VIPR2: variants seen among roughly 807,000 people sequenced by gnomAD.
VIPR2 encodes vasoactive intestinal peptide receptor 2.
A neutral mutation model predicts 58.0 loss-of-function variants in VIPR2; 48 were observed. The observed-to-expected ratio is 0.83, with a 90% CI of 0.66 to 1.05. VIPR2 has a LOEUF of 1.05. Among genes scored for constraint, VIPR2 ranks in the 50% least tolerant of loss-of-function variants. VIPR2 has a pLI of 0.00. For missense variants in VIPR2, 534 were observed against 558.0 expected (o/e 0.96, Z 0.43); for synonymous variants, 243 against 235.2 (o/e 1.03, Z -0.30).
intron 2 of VIPR2, among the ~76,000 whole-genome samples, chr7:159,135,232 A>T (rs1265780848): frequency 1.3e-5 from 2 of 151,162 alleles, no homozygotes; most frequent in African/African-American, 4.9e-5. Context: ...GGAGTTCAAG[A>T]CCAGCCTGGC....
chr7:159,060,514 T>C (rs540119612), intron 4 of VIPR2, among the ~76,000 whole-genome samples: 42 of 150,942 alleles, frequency 2.8e-4, no homozygotes, highest in African/African-American at 1.0e-3. Flanking sequence ...CCATAACTCT[T>C]ACCTCACCTA....
At chr7:159,123,652 T>C (rs1004784809) in intron 2 of VIPR2, among the ~76,000 whole-genome samples, 8 of 152,228 alleles carry the variant, frequency 5.3e-5, no homozygotes, top group Non-Finnish European at 1.2e-4. Flanking sequence ...ATGATTTATA[T>C]TCCTCTTGGT....
At chr7:159,143,333 G>A (rs1203906461) in intron 1 of VIPR2, among the ~76,000 whole-genome samples, 1 of 152,190 alleles carries the variant, frequency 6.6e-6, no homozygotes, top group Admixed American at 6.5e-5. Context: ...GCTTAAGGAG[G>A]GCTCCCCCCA....
At chr7:159,062,109 C>G (rs1433072219) in intron 4 of VIPR2, among the ~76,000 whole-genome samples, 1 of 152,182 alleles carries the variant, frequency 6.6e-6, no homozygotes, top group Non-Finnish European at 1.5e-5. Context: ...GTGAAGCAGA[C>G]GAGAACTGGC....
intron 2 of VIPR2, among the ~76,000 whole-genome samples, chr7:159,120,232 T>G (rs1796405977): frequency 6.6e-6 from 1 of 152,226 alleles, no homozygotes; most frequent in African/African-American, 2.4e-5. Context: ...TCACTGTATT[T>G]GTCATTCTCC....
At chr7:159,135,785 T>C (rs1276578771) in intron 2 of VIPR2, among the ~76,000 whole-genome samples, 1 of 152,184 alleles carries the variant, frequency 6.6e-6, no homozygotes, top group Non-Finnish European at 1.5e-5. Context: ...ATCATGCTAT[T>C]GCACTCCAGC....
intron 2 of VIPR2, among the ~76,000 whole-genome samples, chr7:159,134,947 G>A (rs952572115): frequency 2.0e-5 from 3 of 147,946 alleles, no homozygotes; most frequent in Admixed American, 1.4e-4. Flanking sequence ...ATGAGTCACC[G>A]CGCCTGGCCA....
chr7:159,035,035 G>A (rs574703142), intron 8 of VIPR2, among the ~76,000 whole-genome samples: 1 of 152,296 alleles, frequency 6.6e-6, no homozygotes, highest in Non-Finnish European at 1.5e-5. Context: ...TATGGCAAAG[G>A]GTTTAAAACG....
intron 4 of VIPR2, among the ~76,000 whole-genome samples, chr7:159,071,113 T>C (rs1257934530): frequency 6.6e-6 from 1 of 151,934 alleles, no homozygotes; most frequent in Non-Finnish European, 1.5e-5. Flanking sequence ...ACTTCCAGGG[T>C]TTTTCTGGGT....
intron 2 of VIPR2, among the ~76,000 whole-genome samples, chr7:159,135,713 C>T (rs1446926947): frequency 6.6e-6 from 1 of 152,114 alleles, no homozygotes; most frequent in East Asian, 1.9e-4. Context: ...ATCCCAGCTA[C>T]TCAGGAGGCT....
At chr7:159,032,165 G>A in intron 10 of VIPR2, 98 bp from the exon 11 acceptor site, 1 of 1,506,740 alleles carries the variant, frequency 6.6e-7, no homozygotes, top group Non-Finnish European at 9.0e-7. Flanking sequence ...GGGTGTGGGA[G>A]GGGCTCCACA....
At chr7:159,051,817 T>C (rs974457532) in intron 5 of VIPR2, among the ~76,000 whole-genome samples, 1 of 152,152 alleles carries the variant, frequency 6.6e-6, no homozygotes, top group Non-Finnish European at 1.5e-5. Context: ...CCTAATGACA[T>C]AGCCTTAAAA....
At chr7:159,061,328 CT>C (rs1259588549) in intron 4 of VIPR2, among the ~76,000 whole-genome samples, 2 of 135,826 alleles carry the variant, frequency 1.5e-5, no homozygotes, top group African/African-American at 2.8e-5. Context: ...CATGTGCCCC[CT>C]GAGTCTAAAA....
intron 1 of VIPR2, 114 bp from the exon 2 acceptor site, chr7:159,142,659 C>T (rs1341253628): frequency 1.7e-5 from 11 of 660,090 alleles, no homozygotes; most frequent in Non-Finnish European, 2.8e-5. Flanking sequence ...TGCTTCCAAA[C>T]CAAAATGCAT....
In VIPR2 at chr7:159,028,286, TG is replaced by T; in HGVS notation, c.*2329del. 1 of 154,886 alleles carries T rather than the reference TG, an allele frequency of 6.5e-6. No individual in the cohort carries two copies. The highest frequency in any genetic ancestry group is 1.4e-5 in the Non-Finnish European group (1 of 69,562). 9.6% of individuals were successfully genotyped at this position (154,886 alleles called of 1,614,324 possible). ...ACAGTTAAAGACACCTGCTGACCACTGGGTCCTGCTTCCCCTGCTCACCAGG... is the reference window on the plus strand; with the variant it reads ...ACAGTTAAAGACACCTGCTGACCACTGGTCCTGCTTCCCCTGCTCACCAGG... On this transcript the variant is annotated 3_prime_UTR_variant, in exon 13 of 13. Coordinates refer to ENST00000262178, the MANE Select transcript of VIPR2 (RefSeq NM_003382.5).
At position 159,031,515 on chromosome 7, in the gene VIPR2, C is replaced by T. The variant is rs541910426; in HGVS notation, c.1143+313G>A. ...TCACAAGCTATGGTCAGGAGCGAGA[C>T]GCCGACCATGGGGAAAAACAGATTC... On this transcript the variant is annotated intron_variant, in intron 12 of 12. Transcript: ENST00000262178. The surrounding 1 kb of genome is among the most constrained non-coding windows in gnomAD (Gnocchi z 4.0). 13 of 985,230 alleles carry T rather than the reference C, an allele frequency of 1.3e-5. No homozygotes were observed. Among genetic ancestry groups the T allele is most frequent in the Non-Finnish European group, 1.6e-5 (13 of 829,894 alleles). The allele number at this position is 985,230 out of a possible 1,614,324, so 61.0% of individuals were successfully genotyped here.
At chr7:159,062,598 A>C (rs1855760251) in intron 4 of VIPR2, among the ~76,000 whole-genome samples, 1 of 152,076 alleles carries the variant, frequency 6.6e-6, no homozygotes, top group Non-Finnish European at 1.5e-5. Flanking sequence ...TGGTCTTAGG[A>C]GTGAAGCCGC....
At chr7:159,112,604 C>T (rs1380796021) in intron 2 of VIPR2, among the ~76,000 whole-genome samples, 1 of 152,204 alleles carries the variant, frequency 6.6e-6, no homozygotes, top group Non-Finnish European at 1.5e-5. Context: ...TCGGTACCCC[C>T]GGCACCGGCA....
In VIPR2 at chr7:159,072,422, A is replaced by G. The variant is rs146262671; in HGVS notation, c.358-13844T>C. ...CATCTGAAAAAGAGAAAATGGTAAC[A>G]TTTCAAAACATTGTCAAAATTATGG... is the stretch of plus-strand genomic sequence containing the variant. On this transcript the variant is annotated intron_variant, in intron 4 of 12. Transcript: ENST00000262178. Among the ~76,000 whole-genome samples the G allele has an allele frequency of 4.0e-3, 609 of 152,380 alleles. 8 individuals are homozygous for G. The highest frequency in any genetic ancestry group is 0.014 in the African/African-American group (584 of 41,598).
Sources: gnomAD v4.1 joint callset for allele counts (sites outside exome capture counted in the v4.1 genomes callset) on GRCh38, gnomAD v4.1.1 for gene constraint, Gnocchi (gnomAD v3.1) non-coding constraint, MANE v1.5 for transcripts, NCBI Gene and HGNC (gene_info 2026-07-23, HGNC 2026-07-21) for gene names.